Variants in CNOT4 observed in about 807,000 individuals in gnomAD.
CNOT4 encodes CCR4-NOT transcription complex subunit 4.
Under a neutral mutation model 73.8 loss-of-function variants are expected in CNOT4, and 8 were observed. The observed-to-expected ratio is 0.11, with a 90% CI of 0.06 to 0.20. The LOEUF is 0.20. Among genes scored for constraint, CNOT4 ranks in the 10% least tolerant of loss-of-function variants. The probability of loss-of-function intolerance (pLI) is 1.00; values close to 1 mark genes in which losing one functional copy is unlikely to be tolerated. For missense variants in CNOT4, 564 were observed against 883.4 expected (o/e 0.64, Z 4.58); for synonymous variants, 293 against 321.1 (o/e 0.91, Z 0.94).
chr7:135,417,726 C>T (rs114348380), intron 3 of CNOT4, among the ~76,000 whole-genome samples: 2,399 of 152,248 alleles, frequency 0.016, 68 homozygotes, highest in African/African-American at 0.055. Flanking sequence ...AACTCCTTAG[C>T]GTGGTTAGAA....
chr7:135,414,252 T>C (rs751173816), intron 5 of CNOT4, 79 bp downstream of exon 5: 24 of 626,860 alleles, frequency 3.8e-5, no homozygotes, highest in Non-Finnish European at 6.2e-5. Flanking sequence ...AATATATAAA[T>C]GCTCAGTTCT....
At chr7:135,452,728 G>A (rs531774915) in intron 1 of CNOT4, among the ~76,000 whole-genome samples, 5 of 152,170 alleles carry the variant, frequency 3.3e-5, no homozygotes, top group Non-Finnish European at 7.4e-5. Context: ...TAAGTATGAC[G>A]GACAAATAAA....
intron 1 of CNOT4, among the ~76,000 whole-genome samples, chr7:135,450,293 A>G (rs1390726241): frequency 1.3e-5 from 2 of 152,128 alleles, no homozygotes; most frequent in Non-Finnish European, 2.9e-5. Flanking sequence ...GGAGGAAAAT[A>G]ATCCAGGAGG....
At chr7:135,387,487 C>T (rs1318034862) in intron 10 of CNOT4, 1 of 976,410 alleles carries the variant, frequency 1.0e-6, no homozygotes, top group Non-Finnish European at 1.2e-6. Flanking sequence ...CTCCTAATAA[C>T]ATGTTCTATT....
intron 4 of CNOT4, among the ~76,000 whole-genome samples, chr7:135,414,769 T>C: frequency 6.6e-6 from 1 of 152,084 alleles, no homozygotes; most frequent in Non-Finnish European, 1.5e-5. Flanking sequence ...TTAAAGACTA[T>C]GTCAAATTAC....
chr7:135,387,143 A>G, intron 10 of CNOT4: 1 of 978,500 alleles, frequency 1.0e-6, no homozygotes, highest in Non-Finnish European at 1.2e-6. Context: ...AAGACTGATA[A>G]TAAGTCTACA....
intron 1 of CNOT4, among the ~76,000 whole-genome samples, chr7:135,496,596 T>TACC (rs1345917278): frequency 4.6e-5 from 7 of 152,070 alleles, no homozygotes; most frequent in Non-Finnish European, 4.4e-5. Flanking sequence ...CCTCCTTGGC[T>TACC]ACCTAGAAGC....
intron 1 of CNOT4, among the ~76,000 whole-genome samples, chr7:135,466,228 T>C (rs944458200): frequency 5.9e-5 from 9 of 152,012 alleles, no homozygotes; most frequent in African/African-American, 1.2e-4. Flanking sequence ...ATGCCTGTAA[T>C]CCCAGCACTT....
intron 7 of CNOT4, among the ~76,000 whole-genome samples, chr7:135,406,927 A>C (rs929812387): frequency 1.3e-5 from 2 of 152,214 alleles, no homozygotes; most frequent in Non-Finnish European, 2.9e-5. Flanking sequence ...TATAGTTTGA[A>C]TGTATGTCCC....
Position 135,362,818 on chromosome 7 carries a change from G to T in CNOT4, c.*67C>A. The T allele has an allele frequency of 7.3e-7, 1 of 1,367,092 alleles. No individual in the cohort carries two copies. The highest frequency in any genetic ancestry group is 1.0e-6 in the Non-Finnish European group (1 of 954,994). 84.7% of individuals were successfully genotyped at this position (1,367,092 alleles called of 1,614,324 possible). On this transcript the variant is annotated 3_prime_UTR_variant, in exon 12 of 12. Transcript: ENST00000541284. ...AAGAGATGAGAAGGGAGCTGTGGGTGGTGGGCTGAGAGGGAGAAAACAGAG... is the reference window on the plus strand; with the variant it reads ...AAGAGATGAGAAGGGAGCTGTGGGTTGTGGGCTGAGAGGGAGAAAACAGAG...
intron 10 of CNOT4, among the ~76,000 whole-genome samples, chr7:135,374,859 C>T (rs1196064789): frequency 6.6e-6 from 1 of 152,078 alleles, no homozygotes; most frequent in African/African-American, 2.4e-5. Context: ...AAGATCTAAC[C>T]ATTAGCGTGT....
intron 1 of CNOT4, chr7:135,444,918 C>A (rs1350830536): frequency 6.3e-7 from 1 of 1,597,878 alleles, no homozygotes; most frequent in Non-Finnish European, 8.6e-7. Context: ...TGTTGCCATG[C>A]TGTGGAAGCT....
At chr7:135,496,948 A>C (rs889586955) in intron 1 of CNOT4, among the ~76,000 whole-genome samples, 2 of 151,996 alleles carry the variant, frequency 1.3e-5, no homozygotes, top group Non-Finnish European at 2.9e-5. Context: ...CTGGGACTAC[A>C]TGAGTGCACC....
chr7:135,470,645 A>C (rs1217074680), intron 1 of CNOT4, among the ~76,000 whole-genome samples: 1 of 152,192 alleles, frequency 6.6e-6, no homozygotes, highest in African/African-American at 2.4e-5. Context: ...ATTCAACAGA[A>C]TACTAAATAC....
chr7:135,408,401 A>G (rs1328190533), intron 7 of CNOT4, among the ~76,000 whole-genome samples: 1 of 152,216 alleles, frequency 6.6e-6, no homozygotes, highest in Non-Finnish European at 1.5e-5. Flanking sequence ...CTCTGTGTAT[A>G]ATGGTTTATA....
At chr7:135,506,663 C>T (rs1804390613) in intron 1 of CNOT4, among the ~76,000 whole-genome samples, 1 of 152,030 alleles carries the variant, frequency 6.6e-6, no homozygotes, top group Admixed American at 6.6e-5. Flanking sequence ...GCCTGACCAA[C>T]ATGGTGAAAC....
chr7:135,442,574 G>C (rs192990894), intron 1 of CNOT4, among the ~76,000 whole-genome samples: 1 of 152,018 alleles, frequency 6.6e-6, no homozygotes, highest in East Asian at 1.9e-4. Context: ...ACTGCAGCCT[G>C]GGCAACAAGA....
chr7:135,432,646 G>A (rs1008787961), intron 2 of CNOT4, among the ~76,000 whole-genome samples: 3 of 152,124 alleles, frequency 2.0e-5, no homozygotes, highest in African/African-American at 7.2e-5. Context: ...TGGATCTCCT[G>A]TTTCCTTTAT....
chr7:135,386,549 T>C (rs1325700986), intron 10 of CNOT4: 1 of 152,200 alleles, frequency 6.6e-6, no homozygotes, highest in African/African-American at 2.4e-5. Context: ...TAAAATTAAT[T>C]ATGACTATGA....
Sources: gnomAD v4.1 joint callset for allele counts (sites outside exome capture counted in the v4.1 genomes callset) on GRCh38, gnomAD v4.1.1 for gene constraint, MANE v1.5 for transcripts, NCBI Gene and HGNC (gene_info 2026-07-23, HGNC 2026-07-21) for gene names.